CACNA2D3: variants seen among roughly 807,000 people sequenced by gnomAD.
The protein encoded by CACNA2D3 is voltage-dependent calcium channel subunit alpha-2/delta-3.
In CACNA2D3, 60 loss-of-function variants were observed where a neutral mutation model predicts 160.6. That is an observed-to-expected ratio of 0.37 (90% confidence interval 0.30 to 0.46). The LOEUF (loss-of-function observed/expected upper bound fraction) is 0.46, where lower values mean the gene tolerates loss of function less well. Ranked by LOEUF, CACNA2D3 falls within the 20% of genes least tolerant of loss-of-function variation. The pLI is 1.00. For synonymous variants in CACNA2D3, 558 were observed against 492.9 expected (o/e 1.13, Z -1.75); for missense variants, 1,205 against 1,365.0 (o/e 0.88, Z 1.85).
chr3:54,811,788 A>C (rs1703327054), intron 13 of CACNA2D3, among the ~76,000 whole-genome samples: 1 of 152,128 alleles, frequency 6.6e-6, no homozygotes, highest in Admixed American at 6.5e-5. Context: ...GGCATGAGCC[A>C]CCATGCCCGG....
At chr3:54,802,719 T>A (rs1703021654) in intron 13 of CACNA2D3, among the ~76,000 whole-genome samples, 1 of 152,152 alleles carries the variant, frequency 6.6e-6, no homozygotes, top group South Asian at 2.1e-4. Context: ...TCTCCCAGCA[T>A]GCAGCTGGAG....
At chr3:54,809,311 C>CTTTTT (rs1217898723) in intron 13 of CACNA2D3, among the ~76,000 whole-genome samples, 897 of 80,702 alleles carry the variant, frequency 0.011, 114 homozygotes, top group Middle Eastern at 0.021. Flanking sequence ...TTCCTTCTTT[C>CTTTTT]TTTTTTTTTT....
At chr3:55,052,076 C>G (rs1301578062) in intron 35 of CACNA2D3, among the ~76,000 whole-genome samples, 2 of 152,184 alleles carry the variant, frequency 1.3e-5, no homozygotes, top group African/African-American at 4.8e-5. Flanking sequence ...GCGTTGCTCA[C>G]TCTGGGAGCT....
chr3:54,774,826 G>C (rs973497143), intron 13 of CACNA2D3, among the ~76,000 whole-genome samples: 2 of 151,536 alleles, frequency 1.3e-5, no homozygotes, highest in Admixed American at 6.6e-5. Flanking sequence ...AGTAGAGACA[G>C]GGTTTCACCA....
Position 54,796,613 on chromosome 3 carries a change from C to T in CACNA2D3, c.1381-20240C>T, listed in dbSNP as rs72874267. ...AACTTCACTTAGACTAGAATCACAG[C>T]ATTCTTCACAGACTAAAATTATAGA... On this transcript the variant is annotated intron_variant, in intron 13 of 37. Coordinates refer to ENST00000474759, the MANE Select transcript of CACNA2D3 (RefSeq NM_018398.3). 3.7e-3 allele frequency among the ~76,000 whole-genome samples: 566 copies of T among 152,272 alleles called. 4 individuals carry two copies. The highest frequency in any genetic ancestry group is 0.013 in the African/African-American group (537 of 41,546).
At chr3:54,894,453 A>G (rs919861329) in intron 25 of CACNA2D3, among the ~76,000 whole-genome samples, 7 of 152,074 alleles carry the variant, frequency 4.6e-5, no homozygotes, top group Admixed American at 6.6e-5. Context: ...AGCCACCCCC[A>G]AAGCCTGAAT....
At chr3:54,506,180 T>A (rs1210134316) in intron 5 of CACNA2D3, among the ~76,000 whole-genome samples, 1 of 152,148 alleles carries the variant, frequency 6.6e-6, no homozygotes, top group Non-Finnish European at 1.5e-5. Flanking sequence ...CTTTTTTTTT[T>A]GTTTTCCTTT....
chr3:54,756,058 T>C lies in CACNA2D3; in HGVS notation c.1246+3381T>C, dbSNP rs566928148. 5.9e-5 allele frequency among the ~76,000 whole-genome samples: 9 copies of C among 152,314 alleles called. No individual in the cohort carries two copies. In the East Asian group the frequency reaches 1.7e-3, roughly 29 times the overall value. The stretch of plus-strand genomic sequence containing the variant: ...GACAGTTTAGTCAACTCAGAGTATT[T>C]TAGGGCCTGGCTATAGAATATAGCC... On this transcript the variant is annotated intron_variant, in intron 12 of 37. Transcript: ENST00000474759.
intron 13 of CACNA2D3, among the ~76,000 whole-genome samples, chr3:54,797,409 C>T (rs1027662987): frequency 6.6e-6 from 1 of 152,132 alleles, no homozygotes; most frequent in Non-Finnish European, 1.5e-5. Flanking sequence ...TGGTAGAAGC[C>T]CGTGTCACTG....
chr3:54,308,439 C>T (rs62254158), intron 2 of CACNA2D3, among the ~76,000 whole-genome samples: 14,488 of 152,186 alleles, frequency 0.095, 905 homozygotes, highest in East Asian at 0.21. Context: ...CTCCCCCAAT[C>T]GGCTGGCTGA....
At chr3:55,021,516 CA>C (rs1028121178) in intron 35 of CACNA2D3, among the ~76,000 whole-genome samples, 4 of 150,246 alleles carry the variant, frequency 2.7e-5, no homozygotes, top group Non-Finnish European at 4.4e-5. Flanking sequence ...CTTAGCTTTT[CA>C]GGTTCATTTT....
At chr3:54,189,307 CTG>C (rs1206919487) in intron 2 of CACNA2D3, among the ~76,000 whole-genome samples, 1 of 152,150 alleles carries the variant, frequency 6.6e-6, no homozygotes, top group African/African-American at 2.4e-5. Context: ...CTCACTGATA[CTG>C]TGTGTGGCAT....
intron 2 of CACNA2D3, among the ~76,000 whole-genome samples, chr3:54,183,485 G>A (rs948533030): frequency 6.6e-5 from 10 of 151,794 alleles, no homozygotes; most frequent in South Asian, 2.1e-4. Context: ...TTTTGCCAAC[G>A]CGCCTTTTTC....
Position 54,386,702 on chromosome 3 carries a change from T to G in CACNA2D3, c.322-13T>G, listed in dbSNP as rs771586610. ...CCTTAATGCTGTCTTCTGTTTTTTTTTTTTTTTTTTAGCGTCTGGTGGAGG... is the reference window on the plus strand; with the variant it reads ...CCTTAATGCTGTCTTCTGTTTTTTTGTTTTTTTTTTAGCGTCTGGTGGAGG... On this transcript the variant is annotated splice_polypyrimidine_tract_variant and intron_variant, in intron 3 of 37. Transcript: ENST00000474759. 1.3e-6 allele frequency: 2 copies of G among 1,523,810 alleles called. No individual in the cohort carries two copies. The highest frequency in any genetic ancestry group is 1.2e-5 in the South Asian group (1 of 80,312). The allele number at this position is 1,523,810 out of a possible 1,614,324, so 94.4% of individuals were successfully genotyped here.
chr3:54,352,964 A>G (rs1266207126), intron 3 of CACNA2D3, among the ~76,000 whole-genome samples: 1 of 152,226 alleles, frequency 6.6e-6, no homozygotes, highest in Non-Finnish European at 1.5e-5. Context: ...ATCATAAAGA[A>G]TGGGGTATCC....
intron 2 of CACNA2D3, among the ~76,000 whole-genome samples, chr3:54,183,202 A>G (rs556387523): frequency 3.1e-5 from 4 of 128,352 alleles, no homozygotes; most frequent in Non-Finnish European, 4.7e-5. Flanking sequence ...GAATTGAGGC[A>G]TAAAGAAAAT....
intron 2 of CACNA2D3, among the ~76,000 whole-genome samples, chr3:54,234,360 G>C (rs940147132): frequency 1.3e-5 from 2 of 152,140 alleles, no homozygotes; most frequent in African/African-American, 4.8e-5. Flanking sequence ...CCAAAAAGCA[G>C]ATGCTGGTGA....
rs185841778 is a variant in CACNA2D3, at chr3:54,313,631, C to A, written c.205-6811C>A. 8.5e-4 allele frequency among the ~76,000 whole-genome samples: 130 copies of A among 152,228 alleles called. 1 individual carries two copies. The East Asian group carries it at 0.019, about 22-fold the overall frequency. ...AGTCATCCAACCGTGGCCATCCATGCTCCAGTGCAGTGGGGGCAGTGAGCA... is the reference window on the plus strand; with the variant it reads ...AGTCATCCAACCGTGGCCATCCATGATCCAGTGCAGTGGGGGCAGTGAGCA... On this transcript the variant is annotated intron_variant, in intron 2 of 37. Coordinates refer to ENST00000474759, the MANE Select transcript of CACNA2D3 (RefSeq NM_018398.3).
At position 54,784,443 on chromosome 3, in the gene CACNA2D3, T is replaced by C. The variant is rs868832367; in HGVS notation, c.1380+20092T>C. Reference sequence around the variant, plus strand: ...GAGAAGCCGTGACATTGTCAGACTTTTTTTTTTTAATAACCGAACTCTGTT... The same window carrying C: ...GAGAAGCCGTGACATTGTCAGACTTCTTTTTTTTAATAACCGAACTCTGTT... On this transcript the variant is annotated intron_variant, in intron 13 of 37. Coordinates refer to ENST00000474759, the MANE Select transcript of CACNA2D3 (RefSeq NM_018398.3). 2.0e-5 allele frequency among the ~76,000 whole-genome samples: 3 copies of C among 152,106 alleles called. No individual in the cohort carries two copies. In the South Asian group the frequency reaches 6.2e-4, roughly 32 times the overall value.
Sources: gnomAD v4.1 joint callset for allele counts (sites outside exome capture counted in the v4.1 genomes callset) on GRCh38, gnomAD v4.1.1 for gene constraint, MANE v1.5 for transcripts, NCBI Gene and HGNC (gene_info 2026-07-23, HGNC 2026-07-21) for gene names.